THADA: variants seen among roughly 807,000 people sequenced by gnomAD.
THADA encodes tRNA (32-2'-O)-methyltransferase regulator THADA.
A neutral mutation model predicts 219.8 loss-of-function variants in THADA; 213 were observed. That is an observed-to-expected ratio of 0.97 (90% CI 0.87 to 1.09). The LOEUF (loss-of-function observed/expected upper bound fraction) is 1.09, where lower values mean the gene tolerates loss of function less well. THADA is among the 50% of genes least tolerant of loss of function. The pLI, the probability that THADA is intolerant of heterozygous loss-of-function variation, is 0.00. For synonymous variants in THADA, 1,018 were observed against 828.9 expected (o/e 1.23, Z -3.92); for missense variants, 2,956 against 2,311.3 (o/e 1.28, Z -5.72).
chr2:43,344,759 G>GTTTTTTTTTTTT (rs1242915350), intron 29 of THADA, among the ~76,000 whole-genome samples: 1 of 149,322 alleles, frequency 6.7e-6, no homozygotes. Flanking sequence ...ACTATTTAGG[G>GTTTTTTTTTTTT]TTTTTTTTGT....
intron 29 of THADA, among the ~76,000 whole-genome samples, chr2:43,368,281 A>G (rs555495263): frequency 3.9e-5 from 6 of 152,310 alleles, no homozygotes; most frequent in African/African-American, 1.4e-4. Flanking sequence ...AGTTCATTTT[A>G]TATCATATAC....
intron 26 of THADA, among the ~76,000 whole-genome samples, chr2:43,459,871 AC>A (rs1683421302): frequency 6.6e-6 from 1 of 152,204 alleles, no homozygotes; most frequent in Non-Finnish European, 1.5e-5. Flanking sequence ...AAACAAAAAA[AC>A]AAGTTTGCAA....
chr2:43,247,284 G>A (rs1669252177), intron 36 of THADA, among the ~76,000 whole-genome samples: 2 of 152,128 alleles, frequency 1.3e-5, no homozygotes, highest in East Asian at 1.9e-4. Flanking sequence ...GACCCCAGAA[G>A]TCATTTTGTT....
chr2:43,564,639 G>T (rs1295443840), intron 15 of THADA: 4 of 152,224 alleles, frequency 2.6e-5, no homozygotes, highest in Non-Finnish European at 5.9e-5. Flanking sequence ...ATTTGATGTG[G>T]ATGTGTTTTA....
intron 36 of THADA, among the ~76,000 whole-genome samples, chr2:43,254,901 C>A (rs1443497069): frequency 6.6e-6 from 1 of 152,202 alleles, no homozygotes; most frequent in Non-Finnish European, 1.5e-5. Context: ...TTGTCTCCTG[C>A]ACTCTTTGGT....
At chr2:43,357,774 C>G (rs1669040721) in intron 29 of THADA, among the ~76,000 whole-genome samples, 1 of 152,154 alleles carries the variant, frequency 6.6e-6, no homozygotes, top group African/African-American at 2.4e-5. Context: ...AAAAAGGAAG[C>G]TGCAAAAATA....
rs1702104482 is a variant in THADA at position 43,595,931 on chromosome 2, C to T, written c.-25G>A. 6.6e-6 allele frequency: 1 copy of T among 152,362 alleles called. No homozygotes were observed. The highest frequency in any genetic ancestry group is 2.4e-5 in the African/African-American group (1 of 41,468). 9.4% of individuals were successfully genotyped at this position (152,362 alleles called of 1,614,324 possible). On this transcript the variant is annotated splice_region_variant and 5_prime_UTR_variant, in exon 1 of 38. The change creates a new upstream start codon in the 5' untranslated region. Coordinates refer to ENST00000405975, the MANE Select transcript of THADA (RefSeq NM_022065.5). ...CAGGCAGGACACCTGGGAGCCAAAC[C>T]TCGTGCACGTCGGCGTCTGAGAAGA...
chr2:43,292,542 A>C (rs890811356), intron 32 of THADA, among the ~76,000 whole-genome samples: 1 of 152,186 alleles, frequency 6.6e-6, no homozygotes, highest in African/African-American at 2.4e-5. Flanking sequence ...CACACTCTAC[A>C]GTGAATTTTT....
intron 37 of THADA, 149 bp from the exon 38 acceptor site, chr2:43,231,492 C>T (rs1667413563): frequency 1.5e-6 from 1 of 683,938 alleles, no homozygotes. Flanking sequence ...CATCCATGTA[C>T]ACACACCACT....
intron 28 of THADA, among the ~76,000 whole-genome samples, chr2:43,413,372 G>A (rs115780048): frequency 3.3e-5 from 5 of 152,120 alleles, no homozygotes; most frequent in South Asian, 4.1e-4. Flanking sequence ...TGGCTGAATC[G>A]TAAGTCAGCA....
chr2:43,366,902 A>G (rs1221762076), intron 29 of THADA, among the ~76,000 whole-genome samples: 2 of 152,246 alleles, frequency 1.3e-5, no homozygotes, highest in Non-Finnish European at 2.9e-5. Flanking sequence ...CAAATAATGT[A>G]CAGCAGCATT....
intron 26 of THADA, among the ~76,000 whole-genome samples, chr2:43,476,408 A>G (rs535300663): frequency 6.6e-6 from 1 of 152,324 alleles, no homozygotes; most frequent in East Asian, 1.9e-4. Context: ...AGAAACAAGA[A>G]GGGAAATCGG....
intron 25 of THADA, among the ~76,000 whole-genome samples, chr2:43,498,374 G>A (rs1214580421): frequency 6.6e-6 from 1 of 152,148 alleles, no homozygotes; most frequent in Non-Finnish European, 1.5e-5. Context: ...AACGGTTAAA[G>A]TGGTAAATTG....
chr2:43,311,974 G>A (rs1401088752), intron 31 of THADA, among the ~76,000 whole-genome samples: 1 of 151,990 alleles, frequency 6.6e-6, no homozygotes, highest in Non-Finnish European at 1.5e-5. Context: ...CGAGGCAGGA[G>A]GGCTGCTTAA....
intron 36 of THADA, among the ~76,000 whole-genome samples, chr2:43,265,807 C>A (rs1429853662): frequency 6.6e-6 from 1 of 152,206 alleles, no homozygotes; most frequent in Non-Finnish European, 1.5e-5. Flanking sequence ...CACCCTGACC[C>A]ACTCCACAGC....
intron 35 of THADA, among the ~76,000 whole-genome samples, chr2:43,281,158 T>A (rs1048001406): frequency 2.6e-5 from 4 of 152,188 alleles, no homozygotes; most frequent in Non-Finnish European, 5.9e-5. Flanking sequence ...GAGAACCTGG[T>A]TTCAGAGTCA....
chr2:43,395,318 C>G (rs75147187), intron 29 of THADA, among the ~76,000 whole-genome samples: 1 of 152,170 alleles, frequency 6.6e-6, no homozygotes, highest in African/African-American at 2.4e-5. Context: ...TTTGAAGAAG[C>G]AGCAGAGTCT....
chr2:43,366,979 A>G (rs1013057241), intron 29 of THADA, among the ~76,000 whole-genome samples: 2 of 152,246 alleles, frequency 1.3e-5, no homozygotes, highest in Non-Finnish European at 2.9e-5. Flanking sequence ...AAAATATGGT[A>G]TATCATGCAA....
At chr2:43,274,831 C>T (rs6712163) in intron 36 of THADA, among the ~76,000 whole-genome samples, 80,461 of 151,456 alleles carry the variant, frequency 0.53, 21,874 homozygotes, top group Middle Eastern at 0.72. Context: ...AAAGGTCTTA[C>T]ATATTTTCTT....
Sources: gnomAD v4.1 joint callset for allele counts (sites outside exome capture counted in the v4.1 genomes callset) on GRCh38, gnomAD v4.1.1 for gene constraint, MANE v1.5 for transcripts, NCBI Gene and HGNC (gene_info 2026-07-23, HGNC 2026-07-21) for gene names.